The following CANX variants were observed in gnomAD, a reference collection of about 807,000 sequenced individuals.
CANX encodes the protein calnexin, also known as epididymis secretory sperm binding protein.
CANX carries 14 observed loss-of-function variants against 75.7 expected under a neutral mutation model. That is an observed-to-expected ratio of 0.19 (90% confidence interval 0.12 to 0.29). The LOEUF is 0.29. CANX is among the 10% of genes least tolerant of loss of function. CANX has a pLI of 1.00. For synonymous variants in CANX, 227 were observed against 236.9 expected (o/e 0.96, Z 0.38); for missense variants, 567 against 713.2 (o/e 0.79, Z 2.34).
At chr5:179,684,727 G>A (rs72824579) in intron 1 of CANX, among the ~76,000 whole-genome samples, 6,562 of 151,794 alleles carry the variant, frequency 0.043, 196 homozygotes, top group African/African-American at 0.081. Flanking sequence ...ATTTTTAACA[G>A]CAAGCTCATC....
chr5:179,698,256 G>C (rs1349628914), upstream of CANX: 8 of 279,314 alleles, frequency 2.9e-5, no homozygotes, highest in Non-Finnish European at 4.7e-5. Context: ...TCTCTGCCCT[G>C]ACACCTAATC....
At chr5:179,706,131 G>T (rs1460954059) in intron 2 of CANX, 127 bp from the exon 3 acceptor site, 1 of 625,714 alleles carries the variant, frequency 1.6e-6, no homozygotes, top group Non-Finnish European at 2.8e-6. Context: ...CAATTATATG[G>T]GTTGAATTTG....
intron 12 of CANX, 65 bp from the exon 13 acceptor site, chr5:179,724,592 T>G: frequency 7.1e-7 from 1 of 1,415,876 alleles, no homozygotes; most frequent in Non-Finnish European, 9.9e-7. Context: ...CCTGTAGGCA[T>G]TCAGGAATTA....
At chr5:179,692,412 A>G (rs1444684863) in intron 1 of CANX, among the ~76,000 whole-genome samples, 3 of 152,106 alleles carry the variant, frequency 2.0e-5, no homozygotes, top group Non-Finnish European at 4.4e-5. Context: ...CCCCCGGTTT[A>G]AAAGCTCTTA....
rs538393141 is a variant in CANX at position 179,714,348 on chromosome 5, T to C, written c.722-1757T>C. Among the ~76,000 whole-genome samples the C allele has an allele frequency of 5.7e-4, 87 of 152,192 alleles. 1 individual carries two copies. The South Asian group carries it at 5.8e-3, about 10-fold the overall frequency. On this transcript the variant is annotated intron_variant, in intron 7 of 14. Coordinates refer to ENST00000247461, the MANE Select transcript of CANX (RefSeq NM_001746.4). The stretch of plus-strand genomic sequence containing the variant: ...CACATTATATACATGTATCAAAATA[T>C]CACACGTACCCCGAAAATATGTACA...
chr5:179,710,034 T>C lies in CANX; in HGVS notation c.690T>C (p.Phe230=). ...KRPDADLKTY[F]TDKKTHLYTL... is the part of the protein sequence containing the mutation. ...CAGATGCAGATCTGAAGACCTATTT[T>C]ACTGATAAGAAAACACATCTTTACA... Residue 230 remains phenylalanine, a synonymous_variant, in exon 7 of 15, where the codon TTT becomes TTC. Coordinates refer to ENST00000247461, the MANE Select transcript of CANX (RefSeq NM_001746.4). 1.2e-6 allele frequency: 2 copies of C among 1,608,194 alleles called. No individual in the cohort carries two copies. Among genetic ancestry groups the C allele is most frequent in the South Asian group, 1.1e-5 (1 of 90,256 alleles).
rs577999276 is a variant in CANX at position 179,690,470 on chromosome 5, G to A, written c.-4+11693G>A. ...ACGCACCTGTAATCCCAGCTACTTG[G>A]GAGGCTGAGGCAGGAGAATCACTTG... On this transcript the variant is annotated intron_variant, in intron 1 of 14. Coordinates refer to the CANX transcript ENST00000681674. Among the ~76,000 whole-genome samples, 3 of 151,948 alleles carry A rather than the reference G, an allele frequency of 2.0e-5. No individual in the cohort carries two copies. In the South Asian group the frequency reaches 6.2e-4, roughly 32 times the overall value.
chr5:179,709,197 C>T (rs1232990704), intron 6 of CANX, 138 bp downstream of exon 6: 15 of 602,572 alleles, frequency 2.5e-5, no homozygotes, highest in Non-Finnish European at 3.1e-5. Flanking sequence ...AGGCGGATCA[C>T]GAGGTCAGGA....
intron 9 of CANX, among the ~76,000 whole-genome samples, chr5:179,720,016 A>G (rs1778208639): frequency 6.6e-6 from 1 of 151,806 alleles, no homozygotes; most frequent in Admixed American, 6.6e-5. Flanking sequence ...TTTTTAGTAG[A>G]GACGGACTTT....
intron 1 of CANX, chr5:179,679,277 G>C: frequency 6.6e-7 from 1 of 1,511,418 alleles, no homozygotes; most frequent in Non-Finnish European, 8.8e-7. Context: ...TGGGAGACAA[G>C]AGTCCGGGTG....
In CANX at chr5:179,705,704, G is replaced by T. The variant is rs551656982; in HGVS notation, c.23G>T (p.Cys8Phe). The T allele has an allele frequency of 6.3e-5, 98 of 1,566,420 alleles. No homozygotes were observed. The South Asian group carries it at 1.1e-3, about 17-fold the overall frequency. Reference protein sequence around the residue: MEGKWLLCMLLVLGTAIV... With the variant: MEGKWLLFMLLVLGTAIV... ...ATCATGGAAGGGAAGTGGTTGCTGT[G>T]TATGTTACTGGTGCTTGGAACTGCT... Residue 8 changes from cysteine (C) to phenylalanine (F), a missense_variant, in exon 2 of 15, where the codon TGT (cysteine) becomes TTT (phenylalanine). By Grantham distance (205) the Cys-to-Phe change is radical (BLOSUM62 -2). Coordinates refer to ENST00000247461, the MANE Select transcript of CANX (RefSeq NM_001746.4).
intron 8 of CANX, among the ~76,000 whole-genome samples, chr5:179,719,206 G>C (rs1204113272): frequency 6.6e-6 from 1 of 152,202 alleles, no homozygotes; most frequent in Non-Finnish European, 1.5e-5. Context: ...CAAATGAGCA[G>C]TACCATTTTA....
In CANX at chr5:179,710,998, G is replaced by T. The variant is rs957047529; in HGVS notation, c.721+933G>T. On this transcript the variant is annotated intron_variant, in intron 7 of 14. Coordinates refer to ENST00000247461, the MANE Select transcript of CANX (RefSeq NM_001746.4). ...GTTAACCCAGGAGGCAGAGGTTGCAGTTGAGTCAAGATTGTATCACTGCAC... is the reference window on the plus strand; with the variant it reads ...GTTAACCCAGGAGGCAGAGGTTGCATTTGAGTCAAGATTGTATCACTGCAC... Among the ~76,000 whole-genome samples the T allele has an allele frequency of 3.7e-4, 56 of 152,182 alleles. 1 individual carries two copies. Among genetic ancestry groups the T allele is most frequent in the Admixed American group, 3.5e-3 (53 of 15,264 alleles).
intron 1 of CANX, among the ~76,000 whole-genome samples, chr5:179,692,664 A>C (rs1776318396): frequency 6.6e-6 from 1 of 151,672 alleles, no homozygotes; most frequent in African/African-American, 2.4e-5. Context: ...AGTAGCTGGC[A>C]CTCAGGCATA....
In CANX at chr5:179,716,358, C is replaced by A; in HGVS notation, c.911+64C>A. 3.3e-6 allele frequency: 4 copies of A among 1,223,144 alleles called. No homozygotes were observed. The South Asian group carries it at 5.5e-5, about 17-fold the overall frequency. The allele number at this position is 1,223,144 out of a possible 1,614,324, so 75.8% of individuals were successfully genotyped here. ...TTTCATATATTCCATGTGGCTTGAA[C>A]AACGAAATGTTGGTTGAGTAAGCTC... On this transcript the variant is annotated intron_variant, in intron 8 of 14. Transcript: ENST00000247461.
chr5:179,723,144 T>A (rs1778420140), intron 11 of CANX, 125 bp downstream of exon 11: 3 of 750,350 alleles, frequency 4.0e-6, no homozygotes, highest in Non-Finnish European at 6.7e-6. Context: ...ACCATATGCC[T>A]GCAAAAGACA....
In CANX at chr5:179,726,665, T is replaced by C. The variant is rs1778695218; in HGVS notation, c.1646-15T>C. ...AATAATAAGGTTTTGCTCAGTTGTT[T>C]AACTTCTGTCTTAGAAGAGAAACAG... On this transcript the variant is annotated splice_polypyrimidine_tract_variant and intron_variant, in intron 13 of 14. Coordinates refer to ENST00000247461, the MANE Select transcript of CANX (RefSeq NM_001746.4). 6.3e-7 allele frequency: 1 copy of C among 1,590,578 alleles called. No homozygotes were observed. Among genetic ancestry groups the C allele is most frequent in the Non-Finnish European group, 8.6e-7 (1 of 1,158,804 alleles).
chr5:179,696,133 T>C (rs1364114918), upstream of CANX, among the ~76,000 whole-genome samples: 2 of 151,892 alleles, frequency 1.3e-5, no homozygotes, highest in African/African-American at 4.8e-5. Context: ...TTGCCCAGGC[T>C]GGTCTTGAAT....
Position 179,729,207 on chromosome 5 carries a change from G to T in CANX, c.*563G>T, listed in dbSNP as rs1186428894. ...TCCTCCTAAGGAAATTGAGGAGAGG[G>T]ACTGAATAGAAGCCCAAATTCATAT... On this transcript the variant is annotated 3_prime_UTR_variant, in exon 15 of 15. Coordinates refer to ENST00000247461, the MANE Select transcript of CANX (RefSeq NM_001746.4). 2 of 159,654 alleles carry T rather than the reference G, an allele frequency of 1.3e-5. No individual in the cohort carries two copies. The highest frequency in any genetic ancestry group is 4.8e-5 in the African/African-American group (2 of 41,468). 9.9% of individuals were successfully genotyped at this position (159,654 alleles called of 1,614,324 possible). A position where few individuals can be genotyped will look rare whatever the true frequency, so the allele number is the denominator to read the frequency against.
Sources: gnomAD v4.1 joint callset for allele counts (sites outside exome capture counted in the v4.1 genomes callset) on GRCh38, gnomAD v4.1.1 for gene constraint, MANE v1.5 for transcripts, NCBI Gene and HGNC (gene_info 2026-07-23, HGNC 2026-07-21) for gene names.